Variants in MYO5B observed in about 807,000 individuals in gnomAD.
MYO5B encodes the protein myosin VB.
A neutral mutation model predicts 229.3 loss-of-function variants in MYO5B; 143 were observed. The ratio of observed to expected loss-of-function variants is 0.62; its 90% CI spans 0.54 to 0.72. The LOEUF is 0.72. MYO5B is among the 30% of genes least tolerant of loss of function. MYO5B has a pLI of 0.00. For synonymous variants in MYO5B, 918 were observed against 885.2 expected (o/e 1.04, Z -0.66); for missense variants, 2,321 against 2,331.0 (o/e 1.00, Z 0.09).
intron 1 of MYO5B, among the ~76,000 whole-genome samples, chr18:50,194,357 G>A (rs1282755891): frequency 6.6e-6 from 1 of 152,166 alleles, no homozygotes; most frequent in African/African-American, 2.4e-5. Context: ...GTCCACGGCG[G>A]GGACAGGGGA....
rs893293294 is a variant in MYO5B, at chr18:49,836,995, C to T, written c.5139-110G>A. On this transcript the variant is annotated intron_variant, in intron 37 of 39. Transcript: ENST00000285039. ...CGCTGCAGCTAGTGCCATTATTTAT[C>T]TCACACGGTTAAAAAGCATGGCAAG... 5 of 1,064,582 alleles carry T rather than the reference C, an allele frequency of 4.7e-6. No individual in the cohort carries two copies. The African/African-American group carries it at 7.8e-5, about 17-fold the overall frequency. 65.9% of individuals were successfully genotyped at this position (1,064,582 alleles called of 1,614,324 possible). A position where few individuals can be genotyped will look rare whatever the true frequency, so the allele number is the denominator to read the frequency against.
At chr18:50,046,784 G>C (rs1033135608) in intron 2 of MYO5B, among the ~76,000 whole-genome samples, 1 of 152,138 alleles carries the variant, frequency 6.6e-6, no homozygotes, top group East Asian at 1.9e-4. Flanking sequence ...AAATAACGCC[G>C]CATATCTACA....
At chr18:50,154,987 A>G (rs1249031791) in intron 1 of MYO5B, among the ~76,000 whole-genome samples, 1 of 152,216 alleles carries the variant, frequency 6.6e-6, no homozygotes, top group Non-Finnish European at 1.5e-5. Context: ...ACCACAGACT[A>G]AAAAGGCCTG....
At chr18:50,034,087 T>G (rs1479521210) in intron 4 of MYO5B, among the ~76,000 whole-genome samples, 1 of 152,156 alleles carries the variant, frequency 6.6e-6, no homozygotes, top group East Asian at 1.9e-4. Flanking sequence ...AGTTGTAGTC[T>G]CCAAAGACTG....
At chr18:50,094,656 G>T (rs1377004327) in intron 1 of MYO5B, among the ~76,000 whole-genome samples, 1 of 152,176 alleles carries the variant, frequency 6.6e-6, no homozygotes, top group Non-Finnish European at 1.5e-5. Context: ...ATGGAGACCA[G>T]TGTTGCTTTT....
At chr18:50,138,654 A>C (rs1350667322) in intron 1 of MYO5B, among the ~76,000 whole-genome samples, 1 of 151,686 alleles carries the variant, frequency 6.6e-6, no homozygotes, top group East Asian at 1.9e-4. Context: ...TGAGTCGGAA[A>C]AAAAAAAAAA....
At chr18:50,129,492 C>T (rs1347168950) in intron 1 of MYO5B, among the ~76,000 whole-genome samples, 1 of 152,198 alleles carries the variant, frequency 6.6e-6, no homozygotes, top group Non-Finnish European at 1.5e-5. Context: ...GGAATGCAGG[C>T]AAATGATCCA....
intron 12 of MYO5B, among the ~76,000 whole-genome samples, chr18:49,961,853 C>T (rs1382734282): frequency 2.0e-5 from 3 of 152,228 alleles, no homozygotes; most frequent in East Asian, 1.9e-4. Flanking sequence ...TTTCACCTGC[C>T]ACCATGCCAT....
At chr18:50,164,101 C>A (rs2032809111) in intron 1 of MYO5B, among the ~76,000 whole-genome samples, 1 of 152,174 alleles carries the variant, frequency 6.6e-6, no homozygotes, top group Non-Finnish European at 1.5e-5. Context: ...TGGTTTTAGA[C>A]AAGGTAGCTA....
intron 4 of MYO5B, among the ~76,000 whole-genome samples, chr18:50,035,211 A>T (rs2026435307): frequency 6.6e-6 from 1 of 150,834 alleles, no homozygotes; most frequent in Non-Finnish European, 1.5e-5. Context: ...TCTCAAGCCT[A>T]CAGGAGTCCA....
chr18:49,930,539 G>A (rs2025178107), intron 16 of MYO5B, among the ~76,000 whole-genome samples: 1 of 152,138 alleles, frequency 6.6e-6, no homozygotes, highest in African/African-American at 2.4e-5. Flanking sequence ...CAAACATGGT[G>A]AAAATGCCAA....
intron 14 of MYO5B, among the ~76,000 whole-genome samples, chr18:49,947,017 T>C (rs150144691): frequency 5.0e-4 from 76 of 151,802 alleles, no homozygotes; most frequent in African/African-American, 1.5e-3. Flanking sequence ...CTTAAGAAGA[T>C]TGGGCTACGT....
chr18:50,157,121 G>T (rs1162489849), intron 1 of MYO5B, among the ~76,000 whole-genome samples: 1 of 151,192 alleles, frequency 6.6e-6, no homozygotes, highest in African/African-American at 2.4e-5. Flanking sequence ...GTGGGGAGGT[G>T]GGGGGACGGA....
chr18:49,908,876 T>C (rs1383308346), intron 18 of MYO5B, among the ~76,000 whole-genome samples: 1 of 152,218 alleles, frequency 6.6e-6, no homozygotes, highest in Non-Finnish European at 1.5e-5. Context: ...TTAAGAATGA[T>C]AGGGGCTATT....
chr18:50,071,312 T>G (rs16951443), intron 1 of MYO5B, among the ~76,000 whole-genome samples: 14,246 of 152,270 alleles, frequency 0.094, 1,229 homozygotes, highest in African/African-American at 0.23. Flanking sequence ...GTTTTTACTA[T>G]AACAGCCTTG....
At position 49,991,039 on chromosome 18, in the gene MYO5B, G is replaced by C. The variant is rs1445340391; in HGVS notation, c.757-519C>G. On this transcript the variant is annotated intron_variant, in intron 6 of 39. Transcript: ENST00000285039. ...GGCCTTACACCGGTGGGGTGGGTGT[G>C]GGGGTGGGGATTCAGGAGGCCTGAG... Among the ~76,000 whole-genome samples, 7 of 152,092 alleles carry C rather than the reference G, an allele frequency of 4.6e-5. No individual in the cohort carries two copies. The East Asian group carries it at 9.7e-4, about 21-fold the overall frequency.
chr18:49,830,466 C>T lies in MYO5B; in HGVS notation c.5395-3843G>A, dbSNP rs186448685. Among the ~76,000 whole-genome samples, 7 of 152,148 alleles carry T rather than the reference C, an allele frequency of 4.6e-5. No homozygotes were observed. The East Asian group carries it at 1.4e-3, about 29-fold the overall frequency. Reference sequence around the variant, plus strand: ...ATTCAGTGCAATCCCTATCAAAATCCCAATGACGTTTTTTGCAGAAATCTA... The same window carrying T: ...ATTCAGTGCAATCCCTATCAAAATCTCAATGACGTTTTTTGCAGAAATCTA... On this transcript the variant is annotated intron_variant, in intron 39 of 39. Coordinates refer to ENST00000285039, the MANE Select transcript of MYO5B (RefSeq NM_001080467.3).
intron 19 of MYO5B, 35 bp downstream of exon 19, chr18:49,906,384 G>A (rs1409092922): frequency 1.2e-6 from 2 of 1,600,678 alleles, no homozygotes; most frequent in South Asian, 1.1e-5. Context: ...TCCCCACCAT[G>A]ATCTGCTGCC....
chr18:50,104,265 G>GATATATATATATATATATATATAT (rs3075606), intron 1 of MYO5B, among the ~76,000 whole-genome samples: 40 of 134,528 alleles, frequency 3.0e-4, no homozygotes, highest in African/African-American at 1.1e-3. Context: ...ATCTATACAT[G>GATATATATATATATATATATATAT]ATATATATAT....
Sources: allele counts gnomAD v4.1 joint callset (sites outside exome capture counted in the v4.1 genomes callset), GRCh38; gene constraint gnomAD v4.1.1; transcripts MANE v1.5; gene names NCBI Gene and HGNC (gene_info 2026-07-23, HGNC 2026-07-21).